TRPA1: variants seen among roughly 807,000 people sequenced by gnomAD.
TRPA1 encodes transient receptor potential cation channel subfamily A member 1.
In TRPA1, 129 loss-of-function variants were observed where a neutral mutation model predicts 131.3. The ratio of observed to expected loss-of-function variants is 0.98; its 90% CI spans 0.85 to 1.14. The LOEUF (loss-of-function observed/expected upper bound fraction) is 1.14, where lower values mean the gene tolerates loss of function less well. Among genes scored for constraint, TRPA1 ranks in the 50% most tolerant of loss-of-function variants. The pLI, the probability that TRPA1 is intolerant of heterozygous loss-of-function variation, is 0.00. For missense variants in TRPA1, 1,304 were observed against 1,354.2 expected, an observed-to-expected ratio of 0.96 and a Z score of 0.58; for synonymous variants, 441 against 451.7, an observed-to-expected ratio of 0.98 and a Z score of 0.30.
the TRPA1 span, among the ~76,000 whole-genome samples, chr8:72,087,448 G>A: frequency 0.038 from 5,833 of 152,142 alleles, 376 homozygotes; most frequent in African/African-American, 0.13. Flanking sequence ...AGATGCTCCT[G>A]TACTTTCCAT....
At chr8:72,087,654 A>T in the TRPA1 span, among the ~76,000 whole-genome samples, 1 of 131,868 alleles carries the variant, frequency 7.6e-6, no homozygotes, top group African/African-American at 2.7e-5. Flanking sequence ...ATATATTTTA[A>T]TTGCATGAAG....
chr8:72,065,603 A>C, intron 3 of TRPA1, 45 bp from the exon 4 acceptor site: 1 of 1,460,004 alleles, frequency 6.8e-7, no homozygotes, highest in Middle Eastern at 1.7e-4. Flanking sequence ...GCAGATTTCC[A>C]AATAAGGTAC....
intron 23 of TRPA1, among the ~76,000 whole-genome samples, chr8:72,033,433 T>A (rs914937218): frequency 1.3e-5 from 2 of 152,230 alleles, no homozygotes; most frequent in African/African-American, 4.8e-5. Context: ...AGATCCTTGG[T>A]ATTTGCCAAG....
At chr8:72,039,258 CAT>C (rs1242748492) in intron 18 of TRPA1, among the ~76,000 whole-genome samples, 3 of 151,990 alleles carry the variant, frequency 2.0e-5, no homozygotes, top group African/African-American at 7.2e-5. Flanking sequence ...GATGTTAGCC[CAT>C]ATAATCTGTC....
At chr8:72,066,304 A>T (rs1044349865) in intron 3 of TRPA1, among the ~76,000 whole-genome samples, 6 of 152,192 alleles carry the variant, frequency 3.9e-5, no homozygotes, top group Non-Finnish European at 5.9e-5. Context: ...TTTATTTTAT[A>T]TTCAATGTAA....
intron 7 of TRPA1, among the ~76,000 whole-genome samples, chr8:72,060,962 G>C (rs1390520159): frequency 6.6e-6 from 1 of 151,446 alleles, no homozygotes; most frequent in Non-Finnish European, 1.5e-5. Flanking sequence ...GTGTGTGCAC[G>C]TGTGTGTGGA....
At chr8:72,087,196 T>G in the TRPA1 span, among the ~76,000 whole-genome samples, 4 of 152,168 alleles carry the variant, frequency 2.6e-5, no homozygotes, top group African/African-American at 9.7e-5. Flanking sequence ...GGGTTATGAT[T>G]TCAATTTCTT....
chr8:72,052,432 A>C (rs1187219851), intron 14 of TRPA1, 167 bp downstream of exon 14: 6 of 741,006 alleles, frequency 8.1e-6, no homozygotes, highest in Non-Finnish European at 1.2e-5. Context: ...AAAATAAATA[A>C]ATAAAAATAA....
At chr8:72,051,770 A>C (rs192082615) in intron 14 of TRPA1, among the ~76,000 whole-genome samples, 1 of 152,280 alleles carries the variant, frequency 6.6e-6, no homozygotes, top group Non-Finnish European at 1.5e-5. Flanking sequence ...AGTGAGACTA[A>C]CTATCCTCTA....
rs1318973320 is a variant in TRPA1 at position 72,061,505 on chromosome 8, G to T, written c.944+120C>A. ...GATCCACAGGGTCTTTGTTATCTTT[G>T]CCCTTTTCCTTTGAACCACAAAATC... On this transcript the variant is annotated intron_variant, in intron 7 of 26. Coordinates refer to ENST00000262209, the MANE Select transcript of TRPA1 (RefSeq NM_007332.3). 5 of 1,151,302 alleles carry T rather than the reference G, an allele frequency of 4.3e-6. 1 individual carries two copies. The highest frequency in any genetic ancestry group is 1.7e-5 in the Admixed American group (1 of 58,046). 71.3% of individuals were successfully genotyped at this position (1,151,302 alleles called of 1,614,324 possible).
chr8:72,043,754 T>C (rs982361161), intron 17 of TRPA1, among the ~76,000 whole-genome samples: 1 of 151,880 alleles, frequency 6.6e-6, no homozygotes, highest in Admixed American at 6.6e-5. Context: ...CCAAACAACT[T>C]ATAGGTTTTT....
chr8:72,036,550 C>T lies in TRPA1; in HGVS notation c.2386-93G>A, dbSNP rs1330795902. 11 of 1,232,238 alleles carry T rather than the reference C, an allele frequency of 8.9e-6. No individual in the cohort carries two copies. The Admixed American group carries it at 1.2e-4, about 14-fold the overall frequency. 76.3% of individuals were successfully genotyped at this position (1,232,238 alleles called of 1,614,324 possible). A position where few individuals can be genotyped will look rare whatever the true frequency, so the allele number is the denominator to read the frequency against. ...GCACCCCGTAATACAATTTTTCTAG[C>T]TTTGCAGCCAGCTGGGGAGAAGTTT... On this transcript the variant is annotated intron_variant, in intron 20 of 26. Coordinates refer to ENST00000262209, the MANE Select transcript of TRPA1 (RefSeq NM_007332.3).
the TRPA1 span, among the ~76,000 whole-genome samples, chr8:72,088,578 T>C: frequency 5.3e-5 from 8 of 152,196 alleles, no homozygotes; most frequent in East Asian, 1.4e-3. Context: ...AAGTATTGGG[T>C]CAGGGAGGAA....
intron 3 of TRPA1, among the ~76,000 whole-genome samples, chr8:72,067,223 C>T (rs1046350794): frequency 6.6e-6 from 1 of 152,110 alleles, no homozygotes; most frequent in South Asian, 2.1e-4. Context: ...CAGGCCGGAC[C>T]ATGGGCATAA....
chr8:72,030,947 C>A (rs998256471), intron 23 of TRPA1, among the ~76,000 whole-genome samples: 4 of 152,176 alleles, frequency 2.6e-5, no homozygotes, highest in Non-Finnish European at 4.4e-5. Context: ...TAGTTCCTGC[C>A]TTTGCTGAGC....
In TRPA1 at chr8:72,057,712, G is replaced by A; in HGVS notation, c.1093+5C>T. Reference sequence around the variant, plus strand: ...CAAAAGACTTGGCTTGTTCCCTCTTGGTACCTTTAGAGAGTAGCAAATTTA... The same window carrying A: ...CAAAAGACTTGGCTTGTTCCCTCTTAGTACCTTTAGAGAGTAGCAAATTTA... On this transcript the variant is annotated splice_donor_5th_base_variant and intron_variant, in intron 9 of 26. Transcript: ENST00000262209. The A allele has an allele frequency of 6.2e-7, 1 of 1,609,382 alleles. No individual in the cohort carries two copies. The highest frequency in any genetic ancestry group is 8.5e-7 in the Non-Finnish European group (1 of 1,176,040).
intron 1 of TRPA1, among the ~76,000 whole-genome samples, chr8:72,075,064 A>T (rs1450540196): frequency 1.3e-5 from 2 of 152,206 alleles, no homozygotes; most frequent in Non-Finnish European, 2.9e-5. Context: ...GTTTCCCTGG[A>T]CTGCAGTTGC....
At chr8:72,035,831 C>A (rs921155219) in intron 21 of TRPA1, among the ~76,000 whole-genome samples, 1 of 151,856 alleles carries the variant, frequency 6.6e-6, no homozygotes, top group Non-Finnish European at 1.5e-5. Flanking sequence ...TTTGTCTAGA[C>A]CAGTGTTCTT....
chr8:72,034,101 A>G, intron 22 of TRPA1, 147 bp downstream of exon 22: 1 of 984,456 alleles, frequency 1.0e-6, no homozygotes, highest in South Asian at 1.7e-5. Flanking sequence ...AATAAACGTC[A>G]TTTGAAAGAT....
Sources: allele counts gnomAD v4.1 joint callset (sites outside exome capture counted in the v4.1 genomes callset), GRCh38; gene constraint gnomAD v4.1.1; transcripts MANE v1.5; gene names NCBI Gene and HGNC (gene_info 2026-07-23, HGNC 2026-07-21).